NEMP1: variants seen among roughly 807,000 people sequenced by gnomAD.
NEMP1 encodes the protein transmembrane protein 194.
NEMP1 carries 29 observed loss-of-function variants against 53.7 expected under a neutral mutation model. The ratio of observed to expected loss-of-function variants is 0.54; its 90% CI spans 0.40 to 0.74. The LOEUF (loss-of-function observed/expected upper bound fraction) is 0.74, where lower values mean the gene tolerates loss of function less well. Ranked by LOEUF, NEMP1 falls within the 30% of genes least tolerant of loss-of-function variation. The pLI is 0.00. For synonymous variants in NEMP1, 193 were observed against 192.9 expected (o/e 1.00, Z 0.00); for missense variants, 477 against 528.6 (o/e 0.90, Z 0.96).
chr12:57,088,185 CAG>C (rs1469257999), upstream of NEMP1: 2 of 152,274 alleles, frequency 1.3e-5, no homozygotes, highest in Non-Finnish European at 2.9e-5. Flanking sequence ...CCTCAGCAAA[CAG>C]AGGACAAGTG....
intron 1 of NEMP1, among the ~76,000 whole-genome samples, chr12:57,085,698 G>A (rs552115110): frequency 9.2e-5 from 14 of 152,262 alleles, no homozygotes; most frequent in African/African-American, 2.6e-4. Flanking sequence ...CCAGGACTTC[G>A]GCCTACTACC....
In NEMP1 at chr12:57,056,125, A is replaced by C. The variant is rs1243291001; in HGVS notation, c.*3754T>G. ...CCCCACATTTTGGGAGTCTGTGACC[A>C]CTCCCATCTGCCACTAAAGCTACGA... On this transcript the variant is annotated 3_prime_UTR_variant, in exon 9 of 9. Transcript: ENST00000300128. 6.6e-6 allele frequency: 1 copy of C among 152,010 alleles called. No individual in the cohort carries two copies. Among genetic ancestry groups the C allele is most frequent in the Non-Finnish European group, 1.5e-5 (1 of 67,978 alleles). 9.4% of individuals were successfully genotyped at this position (152,010 alleles called of 1,614,324 possible). A position where few individuals can be genotyped will look rare whatever the true frequency, so the allele number is the denominator to read the frequency against.
At chr12:57,081,749 TA>T (rs1407345797), upstream of NEMP1, among the ~76,000 whole-genome samples, 4 of 145,574 alleles carry the variant, frequency 2.7e-5, no homozygotes, top group East Asian at 4.1e-4. Context: ...CTACTAAAAA[TA>T]AAAAAAATTA....
rs1247191805 is a variant in NEMP1 at position 57,056,606 on chromosome 12, CAAAGA to C, written c.*3268_*3272del. 6.6e-6 allele frequency: 1 copy of C among 151,962 alleles called. No homozygotes were observed. Among genetic ancestry groups the C allele is most frequent in the African/African-American group, 2.4e-5 (1 of 41,368 alleles). The allele number at this position is 151,962 out of a possible 1,614,324, so 9.4% of individuals were successfully genotyped here. A position where few individuals can be genotyped will look rare whatever the true frequency, so the allele number is the denominator to read the frequency against. On this transcript the variant is annotated 3_prime_UTR_variant, in exon 9 of 9. Coordinates refer to ENST00000300128, the MANE Select transcript of NEMP1 (RefSeq NM_001130963.2). ...TCCTCCTTCCTTTCACTACTCAATT[CAAAGA>C]AAAGTTATGAGTACACAGCTAGGAA...
At position 57,055,798 on chromosome 12, in the gene NEMP1, C is replaced by G. The variant is rs1250144057; in HGVS notation, c.*4081G>C. 6.6e-6 allele frequency: 1 copy of G among 152,140 alleles called. No individual in the cohort carries two copies. The highest frequency in any genetic ancestry group is 1.5e-5 in the Non-Finnish European group (1 of 68,004). 9.4% of individuals were successfully genotyped at this position (152,140 alleles called of 1,614,324 possible). A position where few individuals can be genotyped will look rare whatever the true frequency, so the allele number is the denominator to read the frequency against. On this transcript the variant is annotated 3_prime_UTR_variant, in exon 9 of 9. Coordinates refer to ENST00000300128, the MANE Select transcript of NEMP1 (RefSeq NM_001130963.2). ...GATAATTTTGTTCCTTTCAAACATT[C>G]ATGAACATTTAAATAAAATTACAAA...
At chr12:57,075,386 T>C (rs2032555856) in intron 1 of NEMP1, among the ~76,000 whole-genome samples, 1 of 137,108 alleles carries the variant, frequency 7.3e-6, no homozygotes, top group South Asian at 2.4e-4. Context: ...AGACTCCATT[T>C]CAATATAAAT....
At position 57,058,982 on chromosome 12, in the gene NEMP1, A is replaced by T. The variant is rs781035833; in HGVS notation, c.*897T>A. The stretch of plus-strand genomic sequence containing the variant: ...AAGATGACTTCTCCTAGCTAGCAGG[A>T]ATAATGCTACTCTGAACATACATAG... On this transcript the variant is annotated 3_prime_UTR_variant, in exon 9 of 9. Transcript: ENST00000300128. The T allele has an allele frequency of 1.3e-5, 2 of 152,228 alleles. No individual in the cohort carries two copies. The highest frequency in any genetic ancestry group is 2.9e-5 in the Non-Finnish European group (2 of 68,030). 9.4% of individuals were successfully genotyped at this position (152,228 alleles called of 1,614,324 possible).
upstream of NEMP1, among the ~76,000 whole-genome samples, chr12:57,082,609 G>A (rs1286662449): frequency 2.0e-5 from 3 of 152,100 alleles, no homozygotes; most frequent in African/African-American, 7.2e-5. Flanking sequence ...CTGCTCAGGA[G>A]GCTGAGATGG....
chr12:57,076,841 C>T (rs2032644644), intron 1 of NEMP1, among the ~76,000 whole-genome samples: 1 of 151,532 alleles, frequency 6.6e-6, no homozygotes, highest in Non-Finnish European at 1.5e-5. Flanking sequence ...GTGGCACATG[C>T]CTGTAGTCCC....
chr12:57,067,890 C>T (rs1438758766), intron 4 of NEMP1, among the ~76,000 whole-genome samples: 1 of 152,198 alleles, frequency 6.6e-6, no homozygotes, highest in Admixed American at 6.5e-5. Flanking sequence ...CTACCTCAGA[C>T]TCCCAAGTAG....
chr12:57,075,996 C>T (rs1171489031), intron 1 of NEMP1, among the ~76,000 whole-genome samples: 9 of 151,548 alleles, frequency 5.9e-5, no homozygotes, highest in African/African-American at 2.2e-4. Flanking sequence ...CCCAGCTACT[C>T]GGGAGGGTGA....
chr12:57,077,315 G>A (rs2136519030), intron 1 of NEMP1, among the ~76,000 whole-genome samples: 1 of 149,550 alleles, frequency 6.7e-6, no homozygotes, highest in East Asian at 2.0e-4. Context: ...CTGCGCGAAA[G>A]AGGGAGACTC....
At position 57,064,108 on chromosome 12, in the gene NEMP1, T is replaced by A. The variant is rs1393225932; in HGVS notation, c.717A>T (p.Leu239Phe). The A allele has an allele frequency of 6.2e-7, 1 of 1,610,766 alleles. No homozygotes were observed. The highest frequency in any genetic ancestry group is 1.3e-5 in the African/African-American group (1 of 74,732). The change falls in exon 6 of 9, where the codon TTA (leucine) becomes TTT (phenylalanine). Residue 239 changes from leucine to phenylalanine, a missense_variant. Coordinates refer to ENST00000300128, the MANE Select transcript of NEMP1 (RefSeq NM_001130963.2). ...GCCAGTAACACCTCCAGATCTCTTG[T>A]AAATTTTTAAAAACTAGTTGAATGA... The part of the protein sequence containing the change: ...LYLIQLVFKN[L>F]QEIWRCYWQY...
chr12:57,067,193 A>G (rs1403235166), intron 4 of NEMP1, among the ~76,000 whole-genome samples: 1 of 152,028 alleles, frequency 6.6e-6, no homozygotes, highest in Non-Finnish European at 1.5e-5. Context: ...ACGTGGTGGC[A>G]GGTGCCTGTA....
intron 2 of NEMP1, among the ~76,000 whole-genome samples, chr12:57,072,202 C>A (rs765595723): frequency 6.6e-6 from 1 of 152,140 alleles, no homozygotes; most frequent in African/African-American, 2.4e-5. Context: ...CCTTGGGAGG[C>A]CAAGGTGGGC....
intron 1 of NEMP1, among the ~76,000 whole-genome samples, chr12:57,075,157 C>T (rs1305047491): frequency 6.6e-6 from 1 of 151,380 alleles, no homozygotes; most frequent in East Asian, 2.0e-4. Flanking sequence ...GAGGCCGAGG[C>T]AGGTGGATCA....
At position 57,063,173 on chromosome 12, in the gene NEMP1, G is replaced by A. The variant is rs1245431674; in HGVS notation, c.926C>T (p.Ala309Val). ...PHIALAIIII[A>V]LCTKNLEHPI... ...GTGTTCCAGGTTCTTAGTACAAAGA[G>A]CAATGATGATAATGGCAAGGGCAAT... The change falls in exon 7 of 9, where the codon GCT (alanine) becomes GTT (valine). Residue 309 changes from alanine to valine, a missense_variant. Ala to Val is a moderately conservative substitution (Grantham distance 64). Coordinates refer to ENST00000300128, the MANE Select transcript of NEMP1 (RefSeq NM_001130963.2). The A allele has an allele frequency of 3.1e-6, 5 of 1,614,126 alleles. No individual in the cohort carries two copies. Among genetic ancestry groups the A allele is most frequent in the Non-Finnish European group, 4.2e-6 (5 of 1,180,012 alleles).
chr12:57,085,121 T>G (rs2032955597), intron 1 of NEMP1, among the ~76,000 whole-genome samples: 1 of 152,226 alleles, frequency 6.6e-6, no homozygotes, highest in African/African-American at 2.4e-5. Context: ...TCCACCTCCA[T>G]GGAAATGCAC....
At chr12:57,060,089 A>G (rs1407073639) in intron 8 of NEMP1, 30 bp from the exon 9 acceptor site, 3 of 1,603,526 alleles carry the variant, frequency 1.9e-6, no homozygotes. Context: ...ACTCGTTAGA[A>G]ATATCCTTCT....
Sources: gnomAD v4.1 joint callset for allele counts (sites outside exome capture counted in the v4.1 genomes callset) on GRCh38, gnomAD v4.1.1 for gene constraint, MANE v1.5 for transcripts, NCBI Gene and HGNC (gene_info 2026-07-23, HGNC 2026-07-21) for gene names.